B4GALT6: variants seen among roughly 807,000 people sequenced by gnomAD.
B4GALT6 encodes UDP-Gal:beta-GlcNAc beta-1,4-galactosyltransferase 6.
A neutral mutation model predicts 46.3 loss-of-function variants in B4GALT6; 14 were observed. The ratio of observed to expected loss-of-function variants is 0.30; its 90% CI spans 0.20 to 0.47. The LOEUF is 0.47. B4GALT6 is among the 20% of genes least tolerant of loss of function. The pLI is 0.99. For missense variants in B4GALT6, 386 were observed against 480.1 expected, an observed-to-expected ratio of 0.80 and a Z score of 1.83; for synonymous variants, 168 against 162.0, an observed-to-expected ratio of 1.04 and a Z score of -0.28.
At chr18:31,671,702 G>A (rs760366018) in intron 1 of B4GALT6, among the ~76,000 whole-genome samples, 9 of 152,202 alleles carry the variant, frequency 5.9e-5, no homozygotes, top group Non-Finnish European at 1.3e-4. Context: ...ACTTTAGGTA[G>A]AGAAAATCCT....
chr18:31,684,447 GC>G lies in B4GALT6; in HGVS notation c.-22del. On this transcript the variant is annotated 5_prime_UTR_variant, in exon 1 of 9. Coordinates refer to ENST00000306851, the MANE Select transcript of B4GALT6 (RefSeq NM_004775.5). ...GACATCTTCCTCTTCCCTGCCAGCA[GC>G]CCAGGCTGCGCTCTCAGGCCGGACT... 6.2e-7 allele frequency: 1 copy of G among 1,610,836 alleles called. No homozygotes were observed. Among genetic ancestry groups the G allele is most frequent in the Non-Finnish European group, 8.5e-7 (1 of 1,178,362 alleles).
chr18:31,718,607 A>G, the B4GALT6 span, among the ~76,000 whole-genome samples: 3 of 152,140 alleles, frequency 2.0e-5, no homozygotes, highest in African/African-American at 7.2e-5. Flanking sequence ...CCATATCAGA[A>G]AAGAATATTT....
At chr18:31,689,476 G>A (rs933937691), upstream of B4GALT6, among the ~76,000 whole-genome samples, 2 of 152,174 alleles carry the variant, frequency 1.3e-5, no homozygotes, top group Non-Finnish European at 2.9e-5. Flanking sequence ...CGGGCGCAAT[G>A]GTTCATGCCT....
chr18:31,705,321 G>A, the B4GALT6 span, among the ~76,000 whole-genome samples: 5 of 152,152 alleles, frequency 3.3e-5, no homozygotes, highest in African/African-American at 1.2e-4. Context: ...TCCTGCTAGG[G>A]CATTTTTTAA....
chr18:31,645,494 T>A lies in B4GALT6; in HGVS notation c.347-15A>T. The A allele has an allele frequency of 6.2e-7, 1 of 1,600,846 alleles. No homozygotes were observed. ...GAGGAATCCTCCTACAAATTAAAAA[T>A]GTAAAGAATTGTTTTAATATTTTTT... On this transcript the variant is annotated splice_polypyrimidine_tract_variant and intron_variant, in intron 3 of 8. Transcript: ENST00000306851.
chr18:31,690,021 G>A (rs2030057451), upstream of B4GALT6, among the ~76,000 whole-genome samples: 1 of 152,108 alleles, frequency 6.6e-6, no homozygotes, highest in Admixed American at 6.6e-5. Context: ...GTGGACACGT[G>A]CATCTTTATT....
At chr18:31,723,950 A>ACCCACCCCAC in the B4GALT6 span, among the ~76,000 whole-genome samples, 4 of 150,210 alleles carry the variant, frequency 2.7e-5, no homozygotes, top group African/African-American at 9.9e-5. Flanking sequence ...CGCACCTCCA[A>ACCCACCCCAC]CCCACCCCAC....
At chr18:31,723,958 C>T in the B4GALT6 span, among the ~76,000 whole-genome samples, 29 of 151,870 alleles carry the variant, frequency 1.9e-4, no homozygotes, top group East Asian at 2.3e-3. Context: ...CAACCCACCC[C>T]ACCCCACCCC....
At chr18:31,694,348 C>A in the B4GALT6 span, among the ~76,000 whole-genome samples, 3 of 152,212 alleles carry the variant, frequency 2.0e-5, no homozygotes, top group African/African-American at 7.2e-5. Context: ...ATAAAAAAGA[C>A]TTGCCTTTGT....
chr18:31,684,550 G>T lies in B4GALT6; in HGVS notation c.-124C>A. ...GACTGCAGCGGGGTCCGCGCGGGGA[G>T]GCTCTGGGGAGAGGGCCCGAGCGGA... is the stretch of plus-strand genomic sequence containing the variant. On this transcript the variant is annotated 5_prime_UTR_variant, in exon 1 of 9. Coordinates refer to ENST00000306851, the MANE Select transcript of B4GALT6 (RefSeq NM_004775.5). 6.8e-7 allele frequency: 1 copy of T among 1,478,674 alleles called. No homozygotes were observed. Among genetic ancestry groups the T allele is most frequent in the Non-Finnish European group, 9.0e-7 (1 of 1,112,722 alleles). 91.6% of individuals were successfully genotyped at this position (1,478,674 alleles called of 1,614,324 possible).
At chr18:31,705,100 T>C in the B4GALT6 span, among the ~76,000 whole-genome samples, 49 of 152,324 alleles carry the variant, frequency 3.2e-4, 2 homozygotes, top group East Asian at 6.5e-3. Flanking sequence ...TTTTTATAGA[T>C]AGGAACATAG....
intron 4 of B4GALT6, among the ~76,000 whole-genome samples, chr18:31,639,260 G>A (rs1235513479): frequency 6.6e-6 from 1 of 152,184 alleles, no homozygotes; most frequent in Non-Finnish European, 1.5e-5. Context: ...GGCATGAAAA[G>A]TAAGGGAGGG....
At chr18:31,679,459 A>G in intron 1 of B4GALT6, among the ~76,000 whole-genome samples, 1 of 152,186 alleles carries the variant, frequency 6.6e-6, no homozygotes, top group Admixed American at 6.5e-5. Context: ...CTCTTGTAAC[A>G]AAGCTAGGGA....
intron 3 of B4GALT6, among the ~76,000 whole-genome samples, chr18:31,657,439 T>G (rs184773221): frequency 1.1e-3 from 168 of 152,300 alleles, no homozygotes; most frequent in African/African-American, 3.9e-3. Context: ...TAGACCAATT[T>G]ACATAATTTC....
chr18:31,689,387 ACAGAACATGGTGCCCAGTGCCTTC>A (rs534249165), upstream of B4GALT6, among the ~76,000 whole-genome samples: 173 of 152,300 alleles, frequency 1.1e-3, 1 homozygote, highest in Non-Finnish European at 2.1e-3. Flanking sequence ...GAGTCCAGTC[ACAGAACATGGTGCCCAGTGCCTTC>A]CATGGTAAGG....
the B4GALT6 span, among the ~76,000 whole-genome samples, chr18:31,711,184 T>C: frequency 5.3e-5 from 8 of 152,234 alleles, no homozygotes; most frequent in Non-Finnish European, 1.2e-4. Flanking sequence ...GTTCTCCCTG[T>C]CTGCTCTCTT....
Position 31,630,943 on chromosome 18 carries a change from A to G in B4GALT6, c.776+16T>C. On this transcript the variant is annotated intron_variant, in intron 6 of 8. Coordinates refer to ENST00000306851, the MANE Select transcript of B4GALT6 (RefSeq NM_004775.5). ...AATTATATCGTACAATATCAGGAAT[A>G]GTGCACACTACTTACATATACATGT... The G allele has an allele frequency of 6.2e-7, 1 of 1,613,186 alleles. No homozygotes were observed. Among genetic ancestry groups the G allele is most frequent in the Non-Finnish European group, 8.5e-7 (1 of 1,179,180 alleles).
rs1411846096 is a variant in B4GALT6 at position 31,622,652 on chromosome 18, A to G, written c.*2962T>C. 1 of 152,056 alleles carries G rather than the reference A, an allele frequency of 6.6e-6. No homozygotes were observed. Among genetic ancestry groups the G allele is most frequent in the Admixed American group, 6.5e-5 (1 of 15,278 alleles). The allele number at this position is 152,056 out of a possible 1,614,324, so 9.4% of individuals were successfully genotyped here. A position where few individuals can be genotyped will look rare whatever the true frequency, so the allele number is the denominator to read the frequency against. On this transcript the variant is annotated 3_prime_UTR_variant, in exon 9 of 9. Coordinates refer to ENST00000306851, the MANE Select transcript of B4GALT6 (RefSeq NM_004775.5). ...AAATATCAGTATCTTGGCTGGCAAA[A>G]GGGTATATAAGGAAATTTTTAATAC...
the B4GALT6 span, among the ~76,000 whole-genome samples, chr18:31,724,035 G>A: frequency 1.3e-5 from 2 of 152,170 alleles, no homozygotes; most frequent in Non-Finnish European, 2.9e-5. Context: ...TCGCAGAGGG[G>A]AGGGGAGGGG....
Sources: allele counts gnomAD v4.1 joint callset (sites outside exome capture counted in the v4.1 genomes callset), GRCh38; gene constraint gnomAD v4.1.1; transcripts MANE v1.5; gene names NCBI Gene and HGNC (gene_info 2026-07-23, HGNC 2026-07-21).